Variants in PATJ observed in about 807,000 individuals in gnomAD.
PATJ encodes PATJ crumbs cell polarity complex component.
PATJ carries 190 observed loss-of-function variants against 224.9 expected under a neutral mutation model. The ratio of observed to expected loss-of-function variants is 0.84; its 90% confidence interval spans 0.75 to 0.95. The LOEUF (loss-of-function observed/expected upper bound fraction) is 0.95, where lower values mean the gene tolerates loss of function less well. PATJ is among the 40% of genes least tolerant of loss of function. The pLI is 0.00. For synonymous variants in PATJ, 769 were observed against 820.3 expected, an observed-to-expected ratio of 0.94 and a Z score of 1.07; for missense variants, 2,121 against 2,270.3, an observed-to-expected ratio of 0.93 and a Z score of 1.34.
rs183244837 is a variant in PATJ at position 61,759,282 on chromosome 1, A to T, written c.-35-3576A>T. Among the ~76,000 whole-genome samples the T allele has an allele frequency of 1.1e-4, 17 of 152,198 alleles. No homozygotes were observed. The East Asian group carries it at 3.3e-3, about 29-fold the overall frequency. On this transcript the variant is annotated intron_variant, in intron 1 of 43. Transcript: ENST00000642238. ...TGGCCCAAACAATCCTCCTCTTCCA[A>T]TGTGGCCCAGGGAAGCCAAAAGATT...
intron 20 of PATJ, 75 bp from the exon 21 acceptor site, chr1:61,875,168 T>G: frequency 1.1e-6 from 1 of 922,738 alleles, no homozygotes; most frequent in Non-Finnish European, 1.7e-6. Context: ...TCATTATTAC[T>G]TGGCTTGATC....
intron 29 of PATJ, among the ~76,000 whole-genome samples, chr1:62,037,347 G>A (rs1047989127): frequency 6.6e-6 from 1 of 152,054 alleles, no homozygotes; most frequent in African/African-American, 2.4e-5. Context: ...AGTATTATAG[G>A]TTCTGATCAC....
chr1:62,161,946 T>C lies in PATJ; in HGVS notation c.*892T>C, dbSNP rs1010278810. 1.3e-5 allele frequency: 2 copies of C among 152,244 alleles called. No homozygotes were observed. Among genetic ancestry groups the C allele is most frequent in the Non-Finnish European group, 2.9e-5 (2 of 68,050 alleles). The allele number at this position is 152,244 out of a possible 1,614,324, so 9.4% of individuals were successfully genotyped here. A position where few individuals can be genotyped will look rare whatever the true frequency, so the allele number is the denominator to read the frequency against. On this transcript the variant is annotated 3_prime_UTR_variant, in exon 44 of 44. Coordinates refer to ENST00000642238, the MANE Select transcript of PATJ (RefSeq NM_001350145.3). Reference sequence around the variant, plus strand: ...ACTGTGCTGTCTTCTGTATGACTTATGGTCAAATAAGTCTCAAATTCATTT... The same window carrying C: ...ACTGTGCTGTCTTCTGTATGACTTACGGTCAAATAAGTCTCAAATTCATTT...
At chr1:62,099,346 A>AAT (rs1452556253) in intron 33 of PATJ, among the ~76,000 whole-genome samples, 1 of 104,702 alleles carries the variant, frequency 9.6e-6, no homozygotes, top group East Asian at 2.6e-4. Flanking sequence ...AATATCTCCA[A>AAT]CTTTTTTTTT....
At position 61,771,486 on chromosome 1, in the gene PATJ, G is replaced by C; in HGVS notation, c.580G>C (p.Asp194His). Residue 194 changes from aspartate (D) to histidine (H), a missense_variant, in exon 6 of 44, where the codon GAT becomes CAT. Asp to His is a moderately conservative substitution (Grantham distance 81). Coordinates refer to ENST00000642238, the MANE Select transcript of PATJ (RefSeq NM_001350145.3). ...ATTGGCCATTAATCACACGCCATTGGATCAGAACATTTCCCATCAGCAAGC... is the reference window on the plus strand; with the variant it reads ...ATTGGCCATTAATCACACGCCATTGCATCAGAACATTTCCCATCAGCAAGC... ...QILAINHTPL[D>H]QNISHQQAIA... is the part of the protein sequence containing the mutation. 6.2e-7 allele frequency: 1 copy of C among 1,611,904 alleles called. No homozygotes were observed. Among genetic ancestry groups the C allele is most frequent in the Non-Finnish European group, 8.5e-7 (1 of 1,179,236 alleles).
At chr1:61,984,317 T>C (rs116037657) in intron 27 of PATJ, among the ~76,000 whole-genome samples, 3,521 of 151,728 alleles carry the variant, frequency 0.023, 113 homozygotes, top group African/African-American at 0.057. Flanking sequence ...TGTGTCACCA[T>C]GCCATCTAAT....
intron 11 of PATJ, among the ~76,000 whole-genome samples, chr1:61,800,672 C>G (rs1365861955): frequency 6.6e-6 from 1 of 152,096 alleles, no homozygotes; most frequent in Non-Finnish European, 1.5e-5. Flanking sequence ...TGTTGGTGTG[C>G]TACACCCATT....
intron 30 of PATJ, chr1:62,039,037 G>C: frequency 1.9e-6 from 2 of 1,033,292 alleles, no homozygotes; most frequent in Non-Finnish European, 3.0e-6. Flanking sequence ...AGTGTGTCCA[G>C]CATCAGATAA....
intron 27 of PATJ, among the ~76,000 whole-genome samples, chr1:61,964,993 C>T (rs1344770869): frequency 2.0e-5 from 3 of 150,264 alleles, no homozygotes; most frequent in Middle Eastern, 3.2e-3. Flanking sequence ...GTGCCTGTAG[C>T]GCCAGCTGCT....
chr1:61,798,335 G>A (rs1186184292), intron 11 of PATJ, among the ~76,000 whole-genome samples: 1 of 151,734 alleles, frequency 6.6e-6, no homozygotes, highest in Non-Finnish European at 1.5e-5. Flanking sequence ...CTGGGACCAC[G>A]GGTGAGCACC....
chr1:62,059,520 G>A (rs928440026), intron 31 of PATJ, among the ~76,000 whole-genome samples: 4 of 152,006 alleles, frequency 2.6e-5, no homozygotes, highest in Non-Finnish European at 5.9e-5. Context: ...GGGAGGCTGA[G>A]GCAGGAGAAT....
chr1:61,767,007 C>T (rs11207828), intron 4 of PATJ, among the ~76,000 whole-genome samples: 35,929 of 151,794 alleles, frequency 0.24, 4,374 homozygotes, highest in East Asian at 0.42. Context: ...GCAGGAGAAT[C>T]GCTTGAACCC....
intron 20 of PATJ, among the ~76,000 whole-genome samples, chr1:61,864,966 A>T (rs763193182): frequency 1.4e-4 from 21 of 152,034 alleles, no homozygotes; most frequent in Non-Finnish European, 2.1e-4. Flanking sequence ...TTCCCTGGGG[A>T]AACACAGCTG....
chr1:61,836,373 A>T (rs1197175765), intron 17 of PATJ, among the ~76,000 whole-genome samples: 1 of 152,220 alleles, frequency 6.6e-6, no homozygotes, highest in Non-Finnish European at 1.5e-5. Flanking sequence ...CTGCCAACAA[A>T]GGATTAGATA....
At chr1:61,955,569 A>G (rs1557938729) in intron 27 of PATJ, among the ~76,000 whole-genome samples, 1 of 152,220 alleles carries the variant, frequency 6.6e-6, no homozygotes, top group Non-Finnish European at 1.5e-5. Context: ...TCAAGAATTT[A>G]TTTTCTGAAA....
At chr1:61,756,693 C>T (rs975906528) in intron 1 of PATJ, among the ~76,000 whole-genome samples, 1 of 149,920 alleles carries the variant, frequency 6.7e-6, no homozygotes, top group African/African-American at 2.5e-5. Context: ...ATTCTCTCTC[C>T]TTAGCCTTCC....
intron 28 of PATJ, among the ~76,000 whole-genome samples, chr1:62,000,839 C>G (rs1645720596): frequency 6.6e-6 from 1 of 151,244 alleles, no homozygotes; most frequent in East Asian, 1.9e-4. Context: ...TCCTATTTCT[C>G]CACATCCTTT....
At chr1:61,975,169 T>C (rs1030740629) in intron 27 of PATJ, among the ~76,000 whole-genome samples, 1 of 151,892 alleles carries the variant, frequency 6.6e-6, no homozygotes, top group Non-Finnish European at 1.5e-5. Context: ...CTGGTCTCGA[T>C]CTCCTGGGCT....
chr1:61,775,100 T>TGA (rs1315123407), intron 6 of PATJ, 106 bp from the exon 7 acceptor site: 1 of 1,146,324 alleles, frequency 8.7e-7, no homozygotes, highest in East Asian at 2.5e-5. Flanking sequence ...ATTGCATGAA[T>TGA]GTTCAATTTG....
Sources: gnomAD v4.1 joint callset for allele counts (sites outside exome capture counted in the v4.1 genomes callset) on GRCh38, gnomAD v4.1.1 for gene constraint, MANE v1.5 for transcripts, NCBI Gene and HGNC (gene_info 2026-07-23, HGNC 2026-07-21) for gene names.